ERC2: variants seen among roughly 807,000 people sequenced by gnomAD.
The protein encoded by ERC2 is ERC protein 2.
Under a neutral mutation model 114.8 loss-of-function variants are expected in ERC2, and 42 were observed. That is an observed-to-expected ratio of 0.37 (90% confidence interval 0.29 to 0.47). The LOEUF (loss-of-function observed/expected upper bound fraction) is 0.47. Among genes scored for constraint, ERC2 ranks in the 20% least tolerant of loss-of-function variants. The pLI is 0.99. For synonymous variants in ERC2, 454 were observed against 425.5 expected (o/e 1.07, Z -0.82); for missense variants, 939 against 1,150.7 (o/e 0.82, Z 2.66).
At chr3:56,213,058 A>G (rs1295513339) in intron 3 of ERC2, among the ~76,000 whole-genome samples, 2 of 152,160 alleles carry the variant, frequency 1.3e-5, no homozygotes, top group Non-Finnish European at 2.9e-5. Context: ...AGGATAAAAG[A>G]CTACACATGA....
At chr3:56,401,444 A>G (rs1427605075) in intron 2 of ERC2, among the ~76,000 whole-genome samples, 3 of 152,194 alleles carry the variant, frequency 2.0e-5, no homozygotes, top group South Asian at 2.1e-4. Context: ...AACCCAATCA[A>G]TATTTATTTC....
chr3:55,517,114 C>T (rs886545130), intron 17 of ERC2, among the ~76,000 whole-genome samples: 3 of 152,116 alleles, frequency 2.0e-5, no homozygotes, highest in African/African-American at 7.2e-5. Flanking sequence ...CTCCACAATA[C>T]CTGTGATATG....
chr3:55,953,457 C>T (rs1056282949), intron 12 of ERC2, among the ~76,000 whole-genome samples: 3 of 152,214 alleles, frequency 2.0e-5, no homozygotes, highest in Admixed American at 1.3e-4. Context: ...ATAGTGTCCA[C>T]ACTCTCCTGA....
At chr3:55,979,661 A>C (rs1442519953) in intron 12 of ERC2, among the ~76,000 whole-genome samples, 1 of 152,122 alleles carries the variant, frequency 6.6e-6, no homozygotes, top group Non-Finnish European at 1.5e-5. Flanking sequence ...GCTGGATGAG[A>C]ACGTCAATCT....
chr3:56,440,900 C>A (rs1179548949), intron 1 of ERC2, among the ~76,000 whole-genome samples: 1 of 152,150 alleles, frequency 6.6e-6, no homozygotes, highest in Non-Finnish European at 1.5e-5. Flanking sequence ...CTATGAGCCT[C>A]CAAAGATGGC....
rs78894580 is a variant in ERC2, at chr3:55,733,245, T to C, written c.2712+1526A>G. ...TAGGTGGAAAATCCAGTGTAAAAGA[T>C]GCACAGCTCCAAACAAAGAGGTCAG... On this transcript the variant is annotated intron_variant, in intron 15 of 17. Transcript: ENST00000288221. 1.2e-3 allele frequency among the ~76,000 whole-genome samples: 176 copies of C among 152,164 alleles called. 1 individual carries two copies. Among genetic ancestry groups the C allele is most frequent in the African/African-American group, 4.2e-3 (174 of 41,518 alleles).
chr3:55,595,008 T>G (rs2058065384), intron 17 of ERC2, among the ~76,000 whole-genome samples: 1 of 152,166 alleles, frequency 6.6e-6, no homozygotes, highest in African/African-American at 2.4e-5. Context: ...TGCCATTGAA[T>G]GGTCCCCTAC....
rs565636755 is a variant in ERC2 at position 56,276,958 on chromosome 3, TA to T, written c.1074+19060del. Among the ~76,000 whole-genome samples the T allele has an allele frequency of 4.7e-4, 72 of 152,322 alleles. 2 individuals are homozygous for T. In the South Asian group the frequency reaches 0.015, roughly 31 times the overall value. ...TATGGGTTGGACAAGCTTGTACCAG[TA>T]TATCAGGGCCCGAGGCCATACATGC... On this transcript the variant is annotated intron_variant, in intron 3 of 17. Transcript: ENST00000288221.
At position 55,953,238 on chromosome 3, in the gene ERC2, AATGGGGT is replaced by A. The variant is rs1193245543; in HGVS notation, c.2268-2685_2268-2679del. On this transcript the variant is annotated intron_variant, in intron 12 of 17. Transcript: ENST00000288221. ...AAAAAAAGAATGAGTGGCTGAGAAA[AATGGGGT>A]ACTCTAGTTTTGACATTATGATGGA... Among the ~76,000 whole-genome samples the A allele has an allele frequency of 1.6e-4, 24 of 151,964 alleles. No individual in the cohort carries two copies. The East Asian group carries it at 4.5e-3, about 28-fold the overall frequency.
chr3:55,707,003 G>A (rs1212017713), intron 15 of ERC2, among the ~76,000 whole-genome samples: 2 of 152,164 alleles, frequency 1.3e-5, no homozygotes, highest in African/African-American at 4.8e-5. Flanking sequence ...GGCAAGAGAG[G>A]GAAGAATGTC....
chr3:55,600,185 T>C (rs774301215), intron 17 of ERC2, among the ~76,000 whole-genome samples: 1 of 152,082 alleles, frequency 6.6e-6, no homozygotes, highest in Non-Finnish European at 1.5e-5. Context: ...AATTACATAG[T>C]GAGAACCTGA....
At chr3:55,756,315 T>A (rs1202716858) in intron 14 of ERC2, among the ~76,000 whole-genome samples, 1 of 152,172 alleles carries the variant, frequency 6.6e-6, no homozygotes, top group Non-Finnish European at 1.5e-5. Flanking sequence ...AAACTGGGGG[T>A]ACCAGGAAAC....
chr3:56,315,676 C>T (rs1214866650), intron 2 of ERC2, among the ~76,000 whole-genome samples: 1 of 151,812 alleles, frequency 6.6e-6, no homozygotes, highest in African/African-American at 2.4e-5. Context: ...TATATTTAAA[C>T]AAGGAATTGC....
At chr3:55,899,118 A>T (rs1227959930) in intron 13 of ERC2, among the ~76,000 whole-genome samples, 1 of 152,216 alleles carries the variant, frequency 6.6e-6, no homozygotes, top group African/African-American at 2.4e-5. Context: ...CAATATGAGA[A>T]CATACCATTT....
intron 3 of ERC2, among the ~76,000 whole-genome samples, chr3:56,258,459 C>T (rs2052672901): frequency 1.3e-5 from 2 of 152,126 alleles, no homozygotes; most frequent in African/African-American, 2.4e-5. Flanking sequence ...AGATTGAGAC[C>T]ATCCTGTGAA....
At chr3:55,992,693 T>C (rs2071177622) in intron 10 of ERC2, among the ~76,000 whole-genome samples, 1 of 152,188 alleles carries the variant, frequency 6.6e-6, no homozygotes, top group African/African-American at 2.4e-5. Context: ...TTCCAAGAAC[T>C]ATCAAGGGCA....
At chr3:56,214,824 G>C (rs1307701503) in intron 3 of ERC2, among the ~76,000 whole-genome samples, 1 of 152,212 alleles carries the variant, frequency 6.6e-6, no homozygotes, top group Non-Finnish European at 1.5e-5. Context: ...CCAGAAGAGA[G>C]TGGGGGCCAA....
At chr3:55,919,027 A>C (rs537019946) in intron 13 of ERC2, among the ~76,000 whole-genome samples, 1 of 152,144 alleles carries the variant, frequency 6.6e-6, no homozygotes, top group Non-Finnish European at 1.5e-5. Flanking sequence ...CATTGTTTGC[A>C]AAAGGAAAAA....
rs938257744 is a variant in ERC2 at position 55,915,574 on chromosome 3, T to A, written c.2404-27025A>T. 1.5e-4 allele frequency among the ~76,000 whole-genome samples: 23 copies of A among 152,314 alleles called. 1 individual carries two copies. Among genetic ancestry groups the A allele is most frequent in the Admixed American group, 9.8e-4 (15 of 15,300 alleles). On this transcript the variant is annotated intron_variant, in intron 13 of 17. Transcript: ENST00000288221. ...TGAATTTGGATTCATGAAAGACACA[T>A]GACATTTGAGCTAATGGGGATGTAC...
Sources: allele counts gnomAD v4.1 joint callset (sites outside exome capture counted in the v4.1 genomes callset), GRCh38; gene constraint gnomAD v4.1.1; transcripts MANE v1.5; gene names NCBI Gene and HGNC (gene_info 2026-07-23, HGNC 2026-07-21).